Variants in DOCK3 observed in about 807,000 individuals in gnomAD.
The protein encoded by DOCK3 is dedicator of cytokinesis 3, also known as dedicator of cytokinesis protein 3.
In DOCK3, 60 loss-of-function variants were observed where a neutral mutation model predicts 265.6. The observed-to-expected ratio is 0.23, with a 90% confidence interval of 0.18 to 0.28. The LOEUF (loss-of-function observed/expected upper bound fraction) is 0.28, where lower values mean the gene tolerates loss of function less well. Among genes scored for constraint, DOCK3 ranks in the 10% least tolerant of loss-of-function variants. DOCK3 has a pLI of 1.00. For synonymous variants in DOCK3, 881 were observed against 938.0 expected (o/e 0.94, Z 1.11); for missense variants, 1,981 against 2,594.3 (o/e 0.76, Z 5.14).
chr3:50,946,196 T>C (rs1047989147), intron 5 of DOCK3, among the ~76,000 whole-genome samples: 1 of 151,380 alleles, frequency 6.6e-6, no homozygotes, highest in Non-Finnish European at 1.5e-5. Context: ...TTCATAGGAA[T>C]GGGTATTTAC....
chr3:50,885,651 C>T (rs2048288899), intron 3 of DOCK3, among the ~76,000 whole-genome samples: 1 of 152,060 alleles, frequency 6.6e-6, no homozygotes, highest in Admixed American at 6.6e-5. Flanking sequence ...CCTATTAATG[C>T]TGGTTAGGGG....
intron 1 of DOCK3, among the ~76,000 whole-genome samples, chr3:50,760,836 C>T (rs2108386034): frequency 1.3e-5 from 2 of 151,180 alleles, no homozygotes; most frequent in Middle Eastern, 6.9e-3. Flanking sequence ...AGGCGGAGTG[C>T]AATGGCGTGA....
rs1482052540 is a variant in DOCK3 at position 50,938,652 on chromosome 3, A to T, written c.315+4575A>T. ...ACCTGAAAAATTAACCCACTACTAA[A>T]TGATCTGTGTCAAAGAGGAAACTGT... On this transcript the variant is annotated intron_variant, in intron 5 of 52. Coordinates refer to ENST00000266037, the MANE Select transcript of DOCK3 (RefSeq NM_004947.5). Among the ~76,000 whole-genome samples, 3 of 152,090 alleles carry T rather than the reference A, an allele frequency of 2.0e-5. No individual in the cohort carries two copies. In the East Asian group the frequency reaches 5.8e-4, roughly 29 times the overall value.
At chr3:51,267,250 G>C (rs1020894881) in intron 23 of DOCK3, among the ~76,000 whole-genome samples, 1 of 152,198 alleles carries the variant, frequency 6.6e-6, no homozygotes, top group Non-Finnish European at 1.5e-5. Context: ...CATTGTGGAA[G>C]ACAGTGTGGT....
intron 17 of DOCK3, 92 bp from the exon 18 acceptor site, chr3:51,228,569 T>A (rs1056939132): frequency 7.1e-7 from 1 of 1,407,346 alleles, no homozygotes; most frequent in Admixed American, 2.4e-5. Flanking sequence ...CTTAGGAAGA[T>A]GAGAGCAAGT....
chr3:51,058,054 G>A (rs940715542), intron 5 of DOCK3, among the ~76,000 whole-genome samples: 1 of 152,092 alleles, frequency 6.6e-6, no homozygotes, highest in African/African-American at 2.4e-5. Context: ...TCATTTTGTT[G>A]CAGTTGAGTA....
At chr3:50,767,440 A>G (rs867510278) in intron 1 of DOCK3, among the ~76,000 whole-genome samples, 11 of 152,080 alleles carry the variant, frequency 7.2e-5, no homozygotes, top group Admixed American at 3.9e-4. Context: ...GATGTGTGGT[A>G]TTATTTCTGA....
chr3:51,230,975 G>A (rs936445964), intron 19 of DOCK3, among the ~76,000 whole-genome samples: 1 of 151,810 alleles, frequency 6.6e-6, no homozygotes, highest in African/African-American at 2.4e-5. Context: ...ACAGTAATAA[G>A]ATTGCTGGGT....
intron 1 of DOCK3, among the ~76,000 whole-genome samples, chr3:50,687,117 G>A (rs900237928): frequency 2.0e-5 from 3 of 151,788 alleles, no homozygotes; most frequent in Non-Finnish European, 2.9e-5. Context: ...GGCTGAGGCT[G>A]AGGCAAGAGA....
At chr3:51,328,798 C>T (rs948850324) in intron 32 of DOCK3, among the ~76,000 whole-genome samples, 2 of 152,128 alleles carry the variant, frequency 1.3e-5, no homozygotes, top group African/African-American at 4.8e-5. Flanking sequence ...TTCATGCAGC[C>T]ATACCATGGC....
intron 5 of DOCK3, among the ~76,000 whole-genome samples, chr3:50,987,253 T>C (rs1176720465): frequency 6.6e-6 from 1 of 152,250 alleles, no homozygotes; most frequent in Non-Finnish European, 1.5e-5. Context: ...ATTTAATATT[T>C]ACAAATTCTG....
At chr3:50,814,393 A>G (rs1421135693) in intron 2 of DOCK3, among the ~76,000 whole-genome samples, 11 of 151,568 alleles carry the variant, frequency 7.3e-5, no homozygotes, top group Non-Finnish European at 1.6e-4. Flanking sequence ...CAGACTCCTG[A>G]GTAGCCGGGA....
At chr3:51,305,312 T>G (rs1286541858) in intron 27 of DOCK3, among the ~76,000 whole-genome samples, 1 of 152,212 alleles carries the variant, frequency 6.6e-6, no homozygotes, top group Non-Finnish European at 1.5e-5. Context: ...AAAAATATCC[T>G]TCTTTGTCTC....
intron 4 of DOCK3, chr3:50,893,269 G>A: frequency 3.3e-6 from 1 of 305,426 alleles, no homozygotes; most frequent in East Asian, 1.2e-4. Flanking sequence ...AGACCCTAAA[G>A]AAAAGGAGTT....
chr3:50,794,670 G>C (rs745754506), intron 2 of DOCK3, among the ~76,000 whole-genome samples: 4 of 152,070 alleles, frequency 2.6e-5, no homozygotes, highest in Non-Finnish European at 4.4e-5. Flanking sequence ...AATGGGTCTT[G>C]GTTCTTTGTC....
At chr3:51,063,905 C>T (rs1479561716) in intron 5 of DOCK3, among the ~76,000 whole-genome samples, 6 of 152,106 alleles carry the variant, frequency 3.9e-5, no homozygotes, top group Non-Finnish European at 8.8e-5. Flanking sequence ...AAGGACACAC[C>T]GTTTAGAAAA....
intron 5 of DOCK3, among the ~76,000 whole-genome samples, chr3:51,038,517 T>G (rs1364885504): frequency 1.3e-5 from 2 of 152,220 alleles, no homozygotes; most frequent in East Asian, 3.8e-4. Context: ...TATAAACATT[T>G]AAATGATACC....
intron 5 of DOCK3, among the ~76,000 whole-genome samples, chr3:50,937,138 A>G (rs879778505): frequency 6.6e-6 from 1 of 151,912 alleles, no homozygotes; most frequent in African/African-American, 2.4e-5. Flanking sequence ...TTAGCTAGAC[A>G]TGGTGGTGCA....
intron 4 of DOCK3, among the ~76,000 whole-genome samples, chr3:50,895,204 CTTTTTTTTTT>C (rs34645584): frequency 1.6e-5 from 2 of 121,978 alleles, no homozygotes; most frequent in Admixed American, 1.6e-4. Flanking sequence ...TTTATCCCCG[CTTTTTTTTTT>C]TTTTTTTTTA....
Sources: allele counts gnomAD v4.1 joint callset (sites outside exome capture counted in the v4.1 genomes callset), GRCh38; gene constraint gnomAD v4.1.1; transcripts MANE v1.5; gene names NCBI Gene and HGNC (gene_info 2026-07-23, HGNC 2026-07-21).